CACNA2D4: variants seen among roughly 807,000 people sequenced by gnomAD.
CACNA2D4 encodes calcium voltage-gated channel auxiliary subunit alpha2delta 4, also known as voltage-dependent calcium channel subunit alpha-2/delta-4.
Under a neutral mutation model 163.8 loss-of-function variants are expected in CACNA2D4, and 157 were observed. That is an observed-to-expected ratio of 0.96 (90% CI 0.84 to 1.09). The LOEUF (loss-of-function observed/expected upper bound fraction) is 1.09. CACNA2D4 is among the 50% of genes least tolerant of loss of function. The pLI, the probability that CACNA2D4 is intolerant of heterozygous loss-of-function variation, is 0.00. For missense variants in CACNA2D4, 1,410 were observed against 1,479.9 expected, an observed-to-expected ratio of 0.95 and a Z score of 0.78; for synonymous variants, 598 against 586.9, an observed-to-expected ratio of 1.02 and a Z score of -0.27.
chr12:1,856,155 C>A (rs200104514), intron 21 of CACNA2D4, 29 bp downstream of exon 21: 3 of 1,613,928 alleles, frequency 1.9e-6, no homozygotes, highest in Middle Eastern at 1.6e-4. Flanking sequence ...TTCCACCTGT[C>A]TCCCTCCCAT....
At position 1,844,338 on chromosome 12, in the gene CACNA2D4, CAGG is replaced by C; in HGVS notation, c.2470+61_2470+63del. 6.3e-7 allele frequency: 1 copy of C among 1,578,226 alleles called. No homozygotes were observed. The highest frequency in any genetic ancestry group is 1.1e-5 in the South Asian group (1 of 87,428). ...TTCCCATTTCCCACTAAGAGCACAG[CAGG>C]AGGAGAGATGAGACTGGCCTGAGAC... On this transcript the variant is annotated intron_variant, in intron 25 of 37. Transcript: ENST00000382722. This position sits in a 1 kb window ranked among gnomAD's most constrained non-coding sequence, Gnocchi z 4.2.
intron 18 of CACNA2D4, among the ~76,000 whole-genome samples, chr12:1,870,065 C>T (rs1410070782): frequency 6.6e-6 from 1 of 152,238 alleles, no homozygotes; most frequent in East Asian, 1.9e-4. Context: ...GTCTTTAGGC[C>T]TAGGGCGAAT....
intron 26 of CACNA2D4, chr12:1,822,253 C>T (rs1381998444): frequency 6.6e-6 from 1 of 152,184 alleles, no homozygotes; most frequent in African/African-American, 2.4e-5. Flanking sequence ...CACCAGAGCC[C>T]AGGGGCCGCC....
chr12:1,800,063 C>G lies in CACNA2D4; in HGVS notation c.2922-11G>C, dbSNP rs770082552. 1.3e-6 allele frequency: 2 copies of G among 1,595,878 alleles called. No homozygotes were observed. Among genetic ancestry groups the G allele is most frequent in the Non-Finnish European group, 1.7e-6 (2 of 1,171,300 alleles). ...CACTCCAGCAGGAACCTGTCAGACACAGGACTGAATCTCGGAGACCTCTGA... is the reference window on the plus strand; with the variant it reads ...CACTCCAGCAGGAACCTGTCAGACAGAGGACTGAATCTCGGAGACCTCTGA... On this transcript the variant is annotated splice_polypyrimidine_tract_variant and intron_variant, in intron 32 of 37. Coordinates refer to ENST00000382722, the MANE Select transcript of CACNA2D4 (RefSeq NM_172364.5).
At position 1,844,372 on chromosome 12, in the gene CACNA2D4, C is replaced by T. The variant is rs1431003311; in HGVS notation, c.2470+30G>A. 1.2e-6 allele frequency: 2 copies of T among 1,610,164 alleles called. No individual in the cohort carries two copies. The highest frequency in any genetic ancestry group is 1.7e-6 in the Non-Finnish European group (2 of 1,178,212). On this transcript the variant is annotated intron_variant, in intron 25 of 37. Transcript: ENST00000382722. The surrounding 1 kb of genome is among the most constrained non-coding windows in gnomAD (Gnocchi z 4.2). ...AGATGAGACTGGCCTGAGACTGGCC[C>T]AGCCCCGGGAGCACCGGGCTGTGTG...
intron 26 of CACNA2D4, among the ~76,000 whole-genome samples, chr12:1,837,668 C>T (rs547251250): frequency 3.3e-5 from 5 of 152,264 alleles, no homozygotes; most frequent in South Asian, 4.1e-4. Context: ...CAGGGTCCCC[C>T]GGGAGTTCAG....
intron 26 of CACNA2D4, among the ~76,000 whole-genome samples, chr12:1,826,344 G>A (rs1177454630): frequency 2.6e-5 from 4 of 151,828 alleles, no homozygotes; most frequent in Non-Finnish European, 5.9e-5. Context: ...AAGAAGCTGA[G>A]GCCCAGAGGC....
chr12:1,914,337 C>T (rs944156818), intron 2 of CACNA2D4, among the ~76,000 whole-genome samples: 1 of 152,184 alleles, frequency 6.6e-6, no homozygotes, highest in African/African-American at 2.4e-5. Context: ...AGAAGACCAG[C>T]CAGCCATAAA....
At chr12:1,801,208 T>G (rs1008740481) in intron 30 of CACNA2D4, 90 bp from the exon 31 acceptor site, 2 of 1,075,396 alleles carry the variant, frequency 1.9e-6, no homozygotes, top group East Asian at 4.8e-5. Context: ...AGCATCCGTT[T>G]ACCGCAATTC....
chr12:1,825,520 G>A (rs1464047687), intron 26 of CACNA2D4, among the ~76,000 whole-genome samples: 1 of 152,214 alleles, frequency 6.6e-6, no homozygotes, highest in African/African-American at 2.4e-5. Context: ...GGGGGCATTT[G>A]GGAACTTAGA....
chr12:1,824,119 T>G lies in CACNA2D4; in HGVS notation c.2552-12396A>C, dbSNP rs1233947529. On this transcript the variant is annotated intron_variant, in intron 26 of 37. Transcript: ENST00000382722. ...ACAGGTTTGTGACTGTGGTAATTTT[T>G]TTCTCCCCAGGTCCCAGTTAGCTTC... is the stretch of plus-strand genomic sequence containing the variant. Among the ~76,000 whole-genome samples, 4 of 152,154 alleles carry G rather than the reference T, an allele frequency of 2.6e-5. No individual in the cohort carries two copies. The East Asian group carries it at 7.7e-4, about 29-fold the overall frequency.
intron 26 of CACNA2D4, among the ~76,000 whole-genome samples, chr12:1,816,088 A>G (rs1863862115): frequency 2.0e-5 from 3 of 152,128 alleles, no homozygotes; most frequent in African/African-American, 7.2e-5. Flanking sequence ...CCAGACACCC[A>G]GGGAACCGAG....
chr12:1,809,262 G>T lies in CACNA2D4; in HGVS notation c.2721+1016C>A, dbSNP rs1273104354. 16 of 510,442 alleles carry T rather than the reference G, an allele frequency of 3.1e-5. No homozygotes were observed. In the South Asian group the frequency reaches 4.0e-4, roughly 13 times the overall value. The allele number at this position is 510,442 out of a possible 1,614,324, so 31.6% of individuals were successfully genotyped here. A position where few individuals can be genotyped will look rare whatever the true frequency, so the allele number is the denominator to read the frequency against. Reference sequence around the variant, plus strand: ...GACCACAGCCCTACCATGCGTGGAGGTGGCCTTGGCCACGACCTCTGCATC... The same window carrying T: ...GACCACAGCCCTACCATGCGTGGAGTTGGCCTTGGCCACGACCTCTGCATC... On this transcript the variant is annotated intron_variant, in intron 29 of 37. Coordinates refer to ENST00000382722, the MANE Select transcript of CACNA2D4 (RefSeq NM_172364.5).
intron 19 of CACNA2D4, among the ~76,000 whole-genome samples, chr12:1,859,300 A>G (rs763861897): frequency 6.6e-6 from 1 of 152,096 alleles, no homozygotes; most frequent in Admixed American, 6.5e-5. Context: ...TGGAGGCTGT[A>G]GTAAGCTGTT....
chr12:1,846,926 C>A (rs1279460541), intron 23 of CACNA2D4, among the ~76,000 whole-genome samples: 1 of 152,202 alleles, frequency 6.6e-6, no homozygotes, highest in African/African-American at 2.4e-5. Context: ...AAGCCCTGGG[C>A]CTCTGCCTCT....
Position 1,800,390 on chromosome 12 carries a change from C to T in CACNA2D4, c.2917G>A (p.Val973Met), listed in dbSNP as rs770744781. 9 of 1,613,944 alleles carry T rather than the reference C, an allele frequency of 5.6e-6. No individual in the cohort carries two copies. Among genetic ancestry groups the T allele is most frequent in the Admixed American group, 1.7e-5 (1 of 60,020 alleles). ...TATRWLLQEL[V>M]LFLLEWSVWG... Reference sequence around the variant, plus strand: ...CCCGTGTCTACCCCCACTCACAGCACCAGCTCCTGCAGCAGCCACCTGGTC... The same window carrying T: ...CCCGTGTCTACCCCCACTCACAGCATCAGCTCCTGCAGCAGCCACCTGGTC... Residue 973 changes from valine to methionine, a missense_variant, in exon 32 of 38, where the codon GTG becomes ATG. Val to Met is a conservative substitution (Grantham distance 21). Transcript: ENST00000382722.
chr12:1,821,452 G>T (rs1448983574), intron 26 of CACNA2D4, among the ~76,000 whole-genome samples: 2 of 152,230 alleles, frequency 1.3e-5, no homozygotes, highest in East Asian at 1.9e-4. Flanking sequence ...GGTGAGGCTG[G>T]GAGTGGGCAG....
chr12:1,831,704 C>T (rs1864638540), intron 26 of CACNA2D4, among the ~76,000 whole-genome samples: 1 of 152,134 alleles, frequency 6.6e-6, no homozygotes, highest in Admixed American at 6.5e-5. Context: ...CATGAGCCAT[C>T]ACCCTTCCTG....
intron 26 of CACNA2D4, among the ~76,000 whole-genome samples, chr12:1,823,026 C>G (rs577543597): frequency 1.3e-5 from 2 of 152,174 alleles, no homozygotes; most frequent in Admixed American, 6.5e-5. Flanking sequence ...AAGGGGGCGG[C>G]AGAGTAGGCT....
Sources: gnomAD v4.1 joint callset for allele counts (sites outside exome capture counted in the v4.1 genomes callset) on GRCh38, gnomAD v4.1.1 for gene constraint, Gnocchi (gnomAD v3.1) non-coding constraint, MANE v1.5 for transcripts, NCBI Gene and HGNC (gene_info 2026-07-23, HGNC 2026-07-21) for gene names.